The following MKLN1 variants were observed in gnomAD, a reference collection of about 807,000 sequenced individuals.
MKLN1 encodes muskelin.
In MKLN1, 18 loss-of-function variants were observed where a neutral mutation model predicts 99.0. The ratio of observed to expected loss-of-function variants is 0.18; its 90% CI spans 0.13 to 0.27. The LOEUF is 0.27. Among genes scored for constraint, MKLN1 ranks in the 10% least tolerant of loss-of-function variants. The pLI is 1.00. For synonymous variants in MKLN1, 288 were observed against 293.2 expected (o/e 0.98, Z 0.18); for missense variants, 621 against 875.9 (o/e 0.71, Z 3.67).
intron 12 of MKLN1, among the ~76,000 whole-genome samples, chr7:131,457,179 A>G (rs2116579377): frequency 6.6e-6 from 1 of 152,168 alleles, no homozygotes; most frequent in Admixed American, 6.5e-5. Flanking sequence ...CGGGAGGCTG[A>G]GACAGGAGAA....
intron 2 of MKLN1, among the ~76,000 whole-genome samples, chr7:131,173,321 A>C (rs538433623): frequency 6.6e-6 from 1 of 152,364 alleles, no homozygotes; most frequent in East Asian, 1.9e-4. Flanking sequence ...ATTCTGACTC[A>C]TGTGAAATGA....
At chr7:131,162,273 G>A (rs750384915) in intron 2 of MKLN1, among the ~76,000 whole-genome samples, 11 of 151,834 alleles carry the variant, frequency 7.2e-5, no homozygotes, top group Non-Finnish European at 1.3e-4. Context: ...GGCTGGTCTC[G>A]AACTCCTGGC....
At position 131,487,319 on chromosome 7, in the gene MKLN1, GC is replaced by G. The variant is rs1434482724; in HGVS notation, c.2087-287del. 6.6e-6 allele frequency among the ~76,000 whole-genome samples: 1 copy of G among 152,088 alleles called. No individual in the cohort carries two copies. The highest frequency in any genetic ancestry group is 1.5e-5 in the Non-Finnish European group (1 of 68,002). ...TAAAGTGCCAGTCCTTCTGCTAGAC[GC>G]TTTTCATGTAACTACATTTAATCTG... On this transcript the variant is annotated intron_variant, in intron 17 of 17. Transcript: ENST00000352689. The surrounding 1 kb of genome is among the most constrained non-coding windows in gnomAD (Gnocchi z 4.7).
intron 12 of MKLN1, among the ~76,000 whole-genome samples, chr7:131,447,483 T>G (rs1360125523): frequency 6.6e-6 from 1 of 152,142 alleles, no homozygotes; most frequent in African/African-American, 2.4e-5. Context: ...GAGGACTGCT[T>G]GAGCCCAGGA....
In MKLN1 at chr7:131,138,029, G is replaced by A. The variant is rs574552819; in HGVS notation, c.-418-4791G>A. The stretch of plus-strand genomic sequence containing the variant: ...CAACCTCCGCCTCCCGGGTTCAAGT[G>A]ATTCTCCTGCCTCAATCTCATGAGT... On this transcript the variant is annotated intron_variant, in intron 1 of 7. Transcript: ENST00000416992. Among the ~76,000 whole-genome samples the A allele has an allele frequency of 2.6e-3, 388 of 149,774 alleles. 4 individuals are homozygous for A. The highest frequency in any genetic ancestry group is 0.022 in the Middle Eastern group (6 of 278).
At chr7:131,363,035 A>G (rs1317277237) in intron 1 of MKLN1, among the ~76,000 whole-genome samples, 2 of 151,804 alleles carry the variant, frequency 1.3e-5, no homozygotes, top group East Asian at 1.9e-4. Context: ...TCGTGGCCAC[A>G]TTTTTCTCAA....
chr7:131,315,581 C>T (rs1218196004), intron 3 of MKLN1, among the ~76,000 whole-genome samples: 1 of 152,160 alleles, frequency 6.6e-6, no homozygotes, highest in Non-Finnish European at 1.5e-5. Flanking sequence ...AGGCTGAAGC[C>T]AGGGAGTCAA....
At chr7:131,180,385 G>T (rs527865497) in intron 2 of MKLN1, among the ~76,000 whole-genome samples, 1 of 152,210 alleles carries the variant, frequency 6.6e-6, no homozygotes, top group South Asian at 2.1e-4. Context: ...CAATATAAAA[G>T]AAGAAACCAA....
chr7:131,227,539 C>CTTTCTTTCTTTCTTTCTT (rs1563259405), intron 3 of MKLN1, among the ~76,000 whole-genome samples: 1 of 17,404 alleles, frequency 5.7e-5, no homozygotes, highest in South Asian at 1.4e-3. Context: ...CTTTCTTTCT[C>CTTTCTTTCTTTCTTTCTT]TCTTTCTTTT....
chr7:131,429,154 T>G lies in MKLN1; in HGVS notation c.960+9T>G. The G allele has an allele frequency of 6.3e-7, 1 of 1,579,922 alleles. No homozygotes were observed. The highest frequency in any genetic ancestry group is 8.7e-7 in the Non-Finnish European group (1 of 1,150,002). ...GAGACACTGAAAAAGAGGCAAGTTC[T>G]CAGACTTTTCATACATCTATATTAC... On this transcript the variant is annotated intron_variant, in intron 9 of 17. Coordinates refer to ENST00000352689, the MANE Select transcript of MKLN1 (RefSeq NM_013255.5).
intron 2 of MKLN1, among the ~76,000 whole-genome samples, chr7:131,178,607 G>A (rs1313730405): frequency 2.0e-5 from 3 of 152,110 alleles, no homozygotes; most frequent in Non-Finnish European, 4.4e-5. Context: ...CCAGACTCTT[G>A]TTCCTATTTA....
intron 1 of MKLN1, among the ~76,000 whole-genome samples, chr7:131,339,858 A>G (rs1799355123): frequency 6.6e-6 from 1 of 152,114 alleles, no homozygotes; most frequent in Non-Finnish European, 1.5e-5. Flanking sequence ...GGTTTGGTGT[A>G]AACTTTGGTT....
intron 2 of MKLN1, among the ~76,000 whole-genome samples, chr7:131,192,145 G>GTA (rs1796562103): frequency 3.2e-5 from 1 of 31,460 alleles, no homozygotes; most frequent in Non-Finnish European, 5.3e-5. Flanking sequence ...ATATATATAC[G>GTA]TATATATACA....
intron 3 of MKLN1, among the ~76,000 whole-genome samples, chr7:131,209,715 C>T (rs1234678738): frequency 2.0e-5 from 3 of 152,176 alleles, no homozygotes; most frequent in Non-Finnish European, 4.4e-5. Flanking sequence ...TGATTGCTGT[C>T]ATTCAGTCAT....
At chr7:131,236,964 G>A (rs779542661) in intron 3 of MKLN1, among the ~76,000 whole-genome samples, 16 of 152,202 alleles carry the variant, frequency 1.1e-4, no homozygotes, top group Non-Finnish European at 1.6e-4. Context: ...ACTCTAGCCC[G>A]GGTGACAGAG....
intron 3 of MKLN1, among the ~76,000 whole-genome samples, chr7:131,278,032 CTTTATTTTATTTTA>C (rs902539953): frequency 1.1e-4 from 17 of 151,894 alleles, no homozygotes; most frequent in Admixed American, 9.2e-4. Flanking sequence ...CCTTTTCCTC[CTTTATTTTATTTTA>C]TTTATTTTAT....
In MKLN1 at chr7:131,387,152, A is replaced by G. The variant is rs762433604; in HGVS notation, c.201A>G (p.Ile67Met). Residue 67 changes from isoleucine to methionine, a missense_variant, in exon 3 of 18, where the codon ATA becomes ATG. Physicochemically the swap from Ile to Met is conservative, Grantham distance 10. Around this residue, in one of 8 missense-constraint regions of MKLN1, gnomAD observed 27 missense variants for 19.7 expected, o/e 1.37. Coordinates refer to ENST00000352689, the MANE Select transcript of MKLN1 (RefSeq NM_013255.5). ...YLILKLERPA[I>M]VQNITFGKYE... ...TTCTAAAGCTCGAAAGGCCTGCTAT[A>G]GTTCAGAATATCACATTTGGAAAAT... 1 of 1,611,202 alleles carries G rather than the reference A, an allele frequency of 6.2e-7. No individual in the cohort carries two copies. Among genetic ancestry groups the G allele is most frequent in the South Asian group, 1.1e-5 (1 of 90,394 alleles).
At chr7:131,158,464 T>C (rs1285310046) in intron 2 of MKLN1, among the ~76,000 whole-genome samples, 1 of 151,962 alleles carries the variant, frequency 6.6e-6, no homozygotes, top group Non-Finnish European at 1.5e-5. Context: ...AAACTTCTTA[T>C]TAACCTGTGT....
intron 3 of MKLN1, among the ~76,000 whole-genome samples, chr7:131,295,432 A>C (rs1798276392): frequency 6.6e-6 from 1 of 152,206 alleles, no homozygotes; most frequent in Non-Finnish European, 1.5e-5. Context: ...CAACAAGAAC[A>C]CACCATGAAT....
Sources: allele counts gnomAD v4.1 joint callset (sites outside exome capture counted in the v4.1 genomes callset), GRCh38; gene constraint gnomAD v4.1.1; regional missense constraint gnomAD v4.1.1; non-coding constraint Gnocchi (gnomAD v3.1); transcripts MANE v1.5; gene names NCBI Gene and HGNC (gene_info 2026-07-23, HGNC 2026-07-21).